The following DLG2 variants were observed in gnomAD, a reference collection of about 807,000 sequenced individuals.
The protein encoded by DLG2 is discs large MAGUK scaffold protein 2, also known as disks large homolog 2.
In DLG2, 45 loss-of-function variants were observed where a neutral mutation model predicts 132.5. That is an observed-to-expected ratio of 0.34 (90% CI 0.27 to 0.44). DLG2 has a LOEUF of 0.44. Among genes scored for constraint, DLG2 ranks in the 20% least tolerant of loss-of-function variants. The pLI, the probability that DLG2 is intolerant of heterozygous loss-of-function variation, is 1.00. For missense variants in DLG2, 1,045 were observed against 1,196.9 expected (o/e 0.87, Z 1.87); for synonymous variants, 424 against 419.6 (o/e 1.01, Z -0.13).
intron 7 of DLG2, among the ~76,000 whole-genome samples, chr11:84,519,864 C>G (rs1474850334): frequency 6.6e-6 from 1 of 152,174 alleles, no homozygotes; most frequent in Non-Finnish European, 1.5e-5. Flanking sequence ...CATAGATGCC[C>G]TTCAAGTAAT....
At chr11:83,660,948 T>C (rs968313771) in intron 18 of DLG2, among the ~76,000 whole-genome samples, 6 of 152,174 alleles carry the variant, frequency 3.9e-5, no homozygotes, top group African/African-American at 1.4e-4. Context: ...CTGCTTAGTG[T>C]TGGAGATTAT....
In DLG2 at chr11:84,190,174, C is replaced by CAAAAA. The variant is rs35162888; in HGVS notation, c.574-26668_574-26664dup. ...TGCTTAGTCTAGAAAGTTAAGTAGT[C>CAAAAA]AAAAAAAAAAAAGTGAATTGGAGAG... is the stretch of plus-strand genomic sequence containing the variant. On this transcript the variant is annotated intron_variant, in intron 8 of 27. Transcript: ENST00000376104. 1.9e-3 allele frequency among the ~76,000 whole-genome samples: 253 copies of CAAAAA among 132,116 alleles called. 1 individual carries two copies. Among genetic ancestry groups the CAAAAA allele is most frequent in the South Asian group, 0.018 (72 of 4,112 alleles). 86.7% of individuals were successfully genotyped at this position (132,116 alleles called of 152,430 possible). A position where few individuals can be genotyped will look rare whatever the true frequency, so the allele number is the denominator to read the frequency against.
At chr11:84,548,191 C>T (rs543395024) in intron 6 of DLG2, among the ~76,000 whole-genome samples, 263 of 152,264 alleles carry the variant, frequency 1.7e-3, no homozygotes, top group African/African-American at 6.2e-3. Context: ...ACTGAGTTCC[C>T]TTCTTCCTTC....
At chr11:83,863,783 A>G (rs1256142021) in intron 16 of DLG2, among the ~76,000 whole-genome samples, 1 of 152,172 alleles carries the variant, frequency 6.6e-6, no homozygotes, top group African/African-American at 2.4e-5. Flanking sequence ...GCCAGAATTT[A>G]AATGAAGTTA....
intron 6 of DLG2, among the ~76,000 whole-genome samples, chr11:84,862,825 G>T (rs9734521): frequency 0.078 from 10,101 of 130,022 alleles, 446 homozygotes; most frequent in Non-Finnish European, 0.1. Context: ...GTCGGGGGGG[G>T]GGGGTGGGGG....
intron 7 of DLG2, among the ~76,000 whole-genome samples, chr11:84,410,552 C>A (rs1022967144): frequency 1.5e-4 from 22 of 146,862 alleles, no homozygotes; most frequent in Admixed American, 1.5e-3. Flanking sequence ...TATAAACAAT[C>A]ATTTTTTAAA....
At chr11:84,861,530 T>C (rs939999112) in intron 6 of DLG2, among the ~76,000 whole-genome samples, 13 of 150,358 alleles carry the variant, frequency 8.6e-5, no homozygotes, top group Middle Eastern at 3.4e-3. Context: ...AGGGTTTTTA[T>C]GGCTTTAGGC....
At chr11:84,731,495 G>A (rs2063147599) in intron 6 of DLG2, among the ~76,000 whole-genome samples, 1 of 151,846 alleles carries the variant, frequency 6.6e-6, no homozygotes, top group Admixed American at 6.6e-5. Flanking sequence ...TAAGTGAGTT[G>A]AGATAAGAAA....
chr11:83,535,883 A>G (rs1443310670), intron 20 of DLG2, among the ~76,000 whole-genome samples: 2 of 152,186 alleles, frequency 1.3e-5, no homozygotes, highest in African/African-American at 2.4e-5. Flanking sequence ...ATCTCATTTT[A>G]TAACTGAAGA....
chr11:83,853,163 T>C (rs2060036257), intron 16 of DLG2, among the ~76,000 whole-genome samples: 1 of 152,084 alleles, frequency 6.6e-6, no homozygotes, highest in Non-Finnish European at 1.5e-5. Context: ...TTTCTCCGAA[T>C]TCCTAGCTTT....
intron 6 of DLG2, among the ~76,000 whole-genome samples, chr11:84,662,189 CTTT>C (rs1191006822): frequency 6.6e-5 from 8 of 120,686 alleles, no homozygotes; most frequent in Middle Eastern, 4.0e-3. Context: ...CTTTGTAAAT[CTTT>C]TTTTTTTTTT....
At chr11:83,774,291 G>A (rs2094505070) in intron 18 of DLG2, among the ~76,000 whole-genome samples, 1 of 152,104 alleles carries the variant, frequency 6.6e-6, no homozygotes, top group Admixed American at 6.6e-5. Flanking sequence ...CCACATAATA[G>A]CCACATTATA....
intron 6 of DLG2, among the ~76,000 whole-genome samples, chr11:85,012,952 T>C (rs2154136115): frequency 6.6e-6 from 1 of 152,328 alleles, no homozygotes; most frequent in East Asian, 1.9e-4. Flanking sequence ...AAGCAATAAA[T>C]AAGGTAATGC....
At chr11:83,471,358 TG>T (rs1197658669) in intron 24 of DLG2, among the ~76,000 whole-genome samples, 1 of 152,116 alleles carries the variant, frequency 6.6e-6, no homozygotes, top group Non-Finnish European at 1.5e-5. Context: ...TTTAAATGGT[TG>T]GGGGCCACAA....
intron 6 of DLG2, among the ~76,000 whole-genome samples, chr11:84,770,249 A>G (rs960123243): frequency 2.0e-5 from 3 of 152,198 alleles, no homozygotes; most frequent in African/African-American, 7.2e-5. Flanking sequence ...AGCTGAGCAG[A>G]TGCTGGTGTC....
At chr11:85,163,206 T>TACACACACACACAC (rs776985320) in intron 4 of DLG2, among the ~76,000 whole-genome samples, 31 of 148,274 alleles carry the variant, frequency 2.1e-4, no homozygotes, top group African/African-American at 7.2e-4. Context: ...TTATATATAT[T>TACACACACACACAC]ACACACACAC....
chr11:83,512,861 CTCA>C (rs2095107576), intron 21 of DLG2, among the ~76,000 whole-genome samples: 1 of 152,144 alleles, frequency 6.6e-6, no homozygotes, highest in South Asian at 2.1e-4. Flanking sequence ...AGGACATGAA[CTCA>C]TCATTTTTAT....
intron 3 of DLG2, among the ~76,000 whole-genome samples, chr11:85,397,063 G>A (rs371000801): frequency 6.6e-6 from 1 of 152,186 alleles, no homozygotes; most frequent in African/African-American, 2.4e-5. Context: ...AAGCCCATCG[G>A]ACTAACAGCA....
intron 4 of DLG2, among the ~76,000 whole-genome samples, chr11:85,266,618 A>T (rs1375285798): frequency 1.3e-5 from 2 of 152,232 alleles, no homozygotes; most frequent in Non-Finnish European, 2.9e-5. Context: ...TTTAAAAAAA[A>T]AGAAAGAAAG....
Sources: allele counts gnomAD v4.1 joint callset (sites outside exome capture counted in the v4.1 genomes callset), GRCh38; gene constraint gnomAD v4.1.1; transcripts MANE v1.5; gene names NCBI Gene and HGNC (gene_info 2026-07-23, HGNC 2026-07-21).